ABTB3: variants seen among roughly 807,000 people sequenced by gnomAD.
ABTB3 encodes the protein ankyrin repeat and BTB domain containing 3.
At chr12:107,630,698 C>T in the ABTB3 span, among the ~76,000 whole-genome samples, 21 of 152,190 alleles carry the variant, frequency 1.4e-4, no homozygotes, top group African/African-American at 5.1e-4. Flanking sequence ...GCCTCCCAAG[C>T]AGCTGGGACT....
At chr12:107,391,453 C>T in the ABTB3 span, among the ~76,000 whole-genome samples, 1 of 152,064 alleles carries the variant, frequency 6.6e-6, no homozygotes, top group Non-Finnish European at 1.5e-5. Context: ...ACACAGAGCA[C>T]TTGTAGAGGG....
At chr12:107,422,851 T>C in the ABTB3 span, among the ~76,000 whole-genome samples, 2 of 152,220 alleles carry the variant, frequency 1.3e-5, no homozygotes, top group African/African-American at 4.8e-5. Context: ...AAATTATATC[T>C]TCAGAATTTA....
chr12:107,564,819 G>T, the ABTB3 span, among the ~76,000 whole-genome samples: 1 of 152,222 alleles, frequency 6.6e-6, no homozygotes, highest in Non-Finnish European at 1.5e-5. Context: ...GGCTTTGCTT[G>T]CAGTCTGGGC....
chr12:107,426,447 G>C, the ABTB3 span, among the ~76,000 whole-genome samples: 1 of 152,102 alleles, frequency 6.6e-6, no homozygotes, highest in Non-Finnish European at 1.5e-5. Flanking sequence ...GGGCTCCCTG[G>C]CTGCTGTGGC....
the ABTB3 span, among the ~76,000 whole-genome samples, chr12:107,337,203 G>C: frequency 2.0e-5 from 3 of 152,230 alleles, no homozygotes; most frequent in African/African-American, 7.2e-5. Flanking sequence ...GGTATCAGAT[G>C]GATTTTGCAA....
chr12:107,602,829 C>T, the ABTB3 span, among the ~76,000 whole-genome samples: 1 of 152,194 alleles, frequency 6.6e-6, no homozygotes, highest in South Asian at 2.1e-4. Context: ...GAGAAAGCAA[C>T]GCCATCGCTT....
At chr12:107,512,521 G>A in the ABTB3 span, among the ~76,000 whole-genome samples, 1 of 152,198 alleles carries the variant, frequency 6.6e-6, no homozygotes, top group Admixed American at 6.5e-5. Flanking sequence ...TAATGCCAGG[G>A]AAAACATCTC....
chr12:107,332,902 A>G, the ABTB3 span, among the ~76,000 whole-genome samples: 3 of 152,228 alleles, frequency 2.0e-5, no homozygotes, highest in Non-Finnish European at 4.4e-5. Context: ...CCGACTCACA[A>G]TTCTTTATGT....
At chr12:107,654,812 GTA>G in the ABTB3 span, among the ~76,000 whole-genome samples, 397 of 89,206 alleles carry the variant, frequency 4.5e-3, 2 homozygotes, top group African/African-American at 0.023. Context: ...AGTCTACATT[GTA>G]TACACACACA....
chr12:107,643,749 T>G, the ABTB3 span, among the ~76,000 whole-genome samples: 1 of 144,028 alleles, frequency 6.9e-6, no homozygotes, highest in Non-Finnish European at 1.5e-5. Flanking sequence ...TGGATTGTTA[T>G]TCCTTTTTTT....
chr12:107,464,653 G>A, the ABTB3 span, among the ~76,000 whole-genome samples: 21 of 152,270 alleles, frequency 1.4e-4, no homozygotes, highest in African/African-American at 4.8e-4. Flanking sequence ...GTGAGGGACT[G>A]AGCCATCTGT....
the ABTB3 span, among the ~76,000 whole-genome samples, chr12:107,439,550 C>T: frequency 6.6e-6 from 1 of 152,168 alleles, no homozygotes; most frequent in African/African-American, 2.4e-5. Context: ...CTAATGACCC[C>T]ACCTCTCCTT....
chr12:107,622,758 G>A, the ABTB3 span, among the ~76,000 whole-genome samples: 3 of 152,212 alleles, frequency 2.0e-5, no homozygotes, highest in Admixed American at 2.0e-4. Context: ...ACAGGTGTGA[G>A]CCACTGCTCC....
chr12:107,532,461 C>A, the ABTB3 span, among the ~76,000 whole-genome samples: 1 of 152,202 alleles, frequency 6.6e-6, no homozygotes, highest in Non-Finnish European at 1.5e-5. Flanking sequence ...CATACAAAGG[C>A]TACACTGCTG....
At chr12:107,408,992 G>T in the ABTB3 span, among the ~76,000 whole-genome samples, 1 of 152,236 alleles carries the variant, frequency 6.6e-6, no homozygotes, top group Non-Finnish European at 1.5e-5. Flanking sequence ...CATATGACTA[G>T]GGAAACTGTG....
chr12:107,437,401 C>CT, the ABTB3 span, among the ~76,000 whole-genome samples: 128 of 138,228 alleles, frequency 9.3e-4, no homozygotes, highest in African/African-American at 2.4e-3. Context: ...TTTCTTTTTT[C>CT]TTTTTTTTTT....
the ABTB3 span, among the ~76,000 whole-genome samples, chr12:107,407,761 G>A: frequency 8.5e-5 from 13 of 152,182 alleles, no homozygotes; most frequent in Admixed American, 8.5e-4. Context: ...TGGGCCTCCT[G>A]AGAACCCCCA....
chr12:107,657,831 G>A, the ABTB3 span: 1 of 1,082,366 alleles, frequency 9.2e-7, no homozygotes, highest in Non-Finnish European at 1.4e-6. Context: ...GGGCCAAGGA[G>A]CTGCCTCTAC....
At chr12:107,385,362 A>G in the ABTB3 span, among the ~76,000 whole-genome samples, 5 of 152,186 alleles carry the variant, frequency 3.3e-5, no homozygotes, top group Admixed American at 3.3e-4. Flanking sequence ...TAAGCAGGCA[A>G]TGCAAAGGTG....
Sources: gnomAD v4.1 joint callset for allele counts (sites outside exome capture counted in the v4.1 genomes callset) on GRCh38, gnomAD v4.1.1 for gene constraint, MANE v1.5 for transcripts, NCBI Gene and HGNC (gene_info 2026-07-23, HGNC 2026-07-21) for gene names.